CACNA1E: variants seen among roughly 807,000 people sequenced by gnomAD.
CACNA1E encodes the protein voltage-dependent R-type calcium channel subunit alpha-1E.
A neutral mutation model predicts 259.2 loss-of-function variants in CACNA1E; 40 were observed. The observed-to-expected ratio is 0.15, with a 90% CI of 0.12 to 0.20. CACNA1E has a LOEUF of 0.20. Among genes scored for constraint, CACNA1E ranks in the 10% least tolerant of loss-of-function variants. The pLI, the probability that CACNA1E is intolerant of heterozygous loss-of-function variation, is 1.00. For synonymous variants in CACNA1E, 1,104 were observed against 1,138.5 expected, an observed-to-expected ratio of 0.97 and a Z score of 0.61; for missense variants, 1,874 against 3,040.1, an observed-to-expected ratio of 0.62 and a Z score of 9.02.
chr1:181,560,279 T>TG (rs1406813809), intron 3 of CACNA1E, among the ~76,000 whole-genome samples: 160 of 138,848 alleles, frequency 1.2e-3, no homozygotes, highest in African/African-American at 3.9e-3. Flanking sequence ...ATATTTCCAT[T>TG]GGAAAAAAAA....
At chr1:181,511,281 A>G (rs1666142426) in intron 2 of CACNA1E, 90 bp from the exon 3 acceptor site, 1 of 1,466,954 alleles carries the variant, frequency 6.8e-7, no homozygotes, top group South Asian at 1.2e-5. Context: ...CCCAGCACAG[A>G]CATCCAGGAA....
intron 3 of CACNA1E, among the ~76,000 whole-genome samples, chr1:181,556,761 C>T (rs1277450006): frequency 6.6e-6 from 1 of 152,150 alleles, no homozygotes; most frequent in Non-Finnish European, 1.5e-5. Flanking sequence ...ACTGCTAAAG[C>T]TTCCAGTTCT....
At chr1:181,549,123 A>T (rs1042209401) in intron 3 of CACNA1E, among the ~76,000 whole-genome samples, 2 of 152,218 alleles carry the variant, frequency 1.3e-5, no homozygotes, top group Non-Finnish European at 2.9e-5. Flanking sequence ...CCATAAAGGA[A>T]AGTAGCCTAA....
At chr1:181,538,294 T>G (rs1353778612) in intron 3 of CACNA1E, among the ~76,000 whole-genome samples, 1 of 152,232 alleles carries the variant, frequency 6.6e-6, no homozygotes, top group East Asian at 1.9e-4. Context: ...TTCAGAGAAC[T>G]GAAAAATATA....
In CACNA1E at chr1:181,796,665, C is replaced by T. The variant is rs1661831526; in HGVS notation, c.6209-3C>T. 1.3e-6 allele frequency: 2 copies of T among 1,571,400 alleles called. No individual in the cohort carries two copies. Among genetic ancestry groups the T allele is most frequent in the South Asian group, 1.2e-5 (1 of 86,010 alleles). ...AACCAAGTGCTTTTGTCACCTCTCA[C>T]AGGCCACAAGTCTGACACTCACCGC... On this transcript the variant is annotated splice_region_variant and splice_polypyrimidine_tract_variant and intron_variant, in intron 46 of 47. Coordinates refer to ENST00000367573, the MANE Select transcript of CACNA1E (RefSeq NM_001205293.3).
At chr1:181,508,575 G>A (rs1357505741) in intron 1 of CACNA1E, among the ~76,000 whole-genome samples, 1 of 152,184 alleles carries the variant, frequency 6.6e-6, no homozygotes, top group African/African-American at 2.4e-5. Flanking sequence ...TCCTTGTGTG[G>A]TTCCTGGTTG....
chr1:181,807,661 T>A lies in CACNA1E; in HGVS notation c.*8827T>A, dbSNP rs1318701311. The stretch of plus-strand genomic sequence containing the variant: ...AGCATTCCAAAATAAGTCCCCTAAG[T>A]TTGTAGTTTGAGCCAAGATATTTTC... On this transcript the variant is annotated 3_prime_UTR_variant, in exon 48 of 48. Coordinates refer to ENST00000367573, the MANE Select transcript of CACNA1E (RefSeq NM_001205293.3). 1 of 151,960 alleles carries A rather than the reference T, an allele frequency of 6.6e-6. No individual in the cohort carries two copies. The highest frequency in any genetic ancestry group is 1.5e-5 in the Non-Finnish European group (1 of 68,004). 9.4% of individuals were successfully genotyped at this position (151,960 alleles called of 1,614,324 possible).
In CACNA1E at chr1:181,793,760, A is replaced by G. The variant is rs1308112742; in HGVS notation, c.5994A>G (p.Ala1998=). The change falls in exon 45 of 48, where the codon GCA becomes GCG. Residue 1998 remains alanine (A), a synonymous_variant. Transcript: ENST00000367573. The stretch of plus-strand genomic sequence containing the variant: ...AGGAGCATGCGGGATCTGGGAGGGC[A>G]TCTTCTATGCCACGTCTGACTGTGG... The part of the protein sequence containing the change: ...DTQEHAGSGR[A]SSMPRLTVDP... The G allele has an allele frequency of 6.2e-7, 1 of 1,611,918 alleles. No homozygotes were observed. The highest frequency in any genetic ancestry group is 1.1e-5 in the South Asian group (1 of 90,698).
Position 181,531,416 on chromosome 1 carries a change from A to G in CACNA1E, c.512+19906A>G, listed in dbSNP as rs866909485. 3.3e-5 allele frequency among the ~76,000 whole-genome samples: 5 copies of G among 152,088 alleles called. No individual in the cohort carries two copies. In the Middle Eastern group the frequency reaches 0.017, roughly 521 times the overall value. On this transcript the variant is annotated intron_variant, in intron 3 of 47. Transcript: ENST00000367573. ...GTGGCCCTCTTGTTTCTTCACTGAG[A>G]TTGAGGGCGGGGGTCATGTTCTCCT...
chr1:181,670,372 C>T (rs1315404152), intron 7 of CACNA1E, among the ~76,000 whole-genome samples: 1 of 152,124 alleles, frequency 6.6e-6, no homozygotes, highest in Non-Finnish European at 1.5e-5. Flanking sequence ...GTTATTTTCC[C>T]CTTGGTGTCA....
chr1:181,617,206 G>C (rs1290729849), intron 6 of CACNA1E, among the ~76,000 whole-genome samples: 1 of 151,454 alleles, frequency 6.6e-6, no homozygotes, highest in Non-Finnish European at 1.5e-5. Context: ...CTAAATTTGA[G>C]GGGTTTAATA....
chr1:181,463,246 G>A (rs1261129599), intron 2 of CACNA1E, among the ~76,000 whole-genome samples: 1 of 152,118 alleles, frequency 6.6e-6, no homozygotes, highest in African/African-American at 2.4e-5. Context: ...ACAATTATGT[G>A]ATATACTGTA....
At chr1:181,527,669 C>G (rs1298195881) in intron 3 of CACNA1E, among the ~76,000 whole-genome samples, 1 of 152,128 alleles carries the variant, frequency 6.6e-6, no homozygotes, top group Non-Finnish European at 1.5e-5. Flanking sequence ...CATTCCAGTT[C>G]TGGTTTTAAA....
chr1:181,695,338 A>T (rs1651590517), intron 7 of CACNA1E, among the ~76,000 whole-genome samples: 1 of 152,242 alleles, frequency 6.6e-6, no homozygotes, highest in Admixed American at 6.5e-5. Flanking sequence ...ATCCCCATCA[A>T]AATTCTAGCA....
intron 2 of CACNA1E, among the ~76,000 whole-genome samples, chr1:181,454,828 C>T (rs1259368616): frequency 6.6e-6 from 1 of 152,160 alleles, no homozygotes; most frequent in Non-Finnish European, 1.5e-5. Flanking sequence ...TTGCGTACTA[C>T]AGGGACTTCA....
upstream of CACNA1E, among the ~76,000 whole-genome samples, chr1:181,481,512 C>T (rs1266857775): frequency 6.6e-6 from 1 of 152,232 alleles, no homozygotes; most frequent in Non-Finnish European, 1.5e-5. Context: ...ACTTCACAGG[C>T]GTGAAGCCAT....
intron 3 of CACNA1E, among the ~76,000 whole-genome samples, chr1:181,551,289 C>T (rs1445273143): frequency 6.6e-6 from 1 of 152,168 alleles, no homozygotes; most frequent in Non-Finnish European, 1.5e-5. Flanking sequence ...AAAAACTGGG[C>T]CTCCCCCTGC....
chr1:181,779,588 A>T, intron 38 of CACNA1E: 3 of 408,836 alleles, frequency 7.3e-6, no homozygotes, highest in Non-Finnish European at 1.5e-5. Flanking sequence ...TGCAACATCT[A>T]ACCCCTCCTC....
intron 2 of CACNA1E, among the ~76,000 whole-genome samples, chr1:181,415,571 GTCA>G (rs1557985570): frequency 3.3e-5 from 5 of 152,172 alleles, no homozygotes; most frequent in Non-Finnish European, 7.3e-5. Context: ...CAGAAGGAAG[GTCA>G]TCATCTCCAT....
Sources: allele counts gnomAD v4.1 joint callset (sites outside exome capture counted in the v4.1 genomes callset), GRCh38; gene constraint gnomAD v4.1.1; transcripts MANE v1.5; gene names NCBI Gene and HGNC (gene_info 2026-07-23, HGNC 2026-07-21).